TBC1D30: variants seen among roughly 807,000 people sequenced by gnomAD.
The protein encoded by TBC1D30 is TBC1 domain family member 30.
TBC1D30 carries 31 observed loss-of-function variants against 63.2 expected under a neutral mutation model. The ratio of observed to expected loss-of-function variants is 0.49; its 90% CI spans 0.37 to 0.66. The LOEUF (loss-of-function observed/expected upper bound fraction) is 0.66, where lower values mean the gene tolerates loss of function less well. TBC1D30 is among the 30% of genes least tolerant of loss of function. TBC1D30 has a pLI of 0.00. For missense variants in TBC1D30, 810 were observed against 953.6 expected (o/e 0.85, Z 1.98); for synonymous variants, 307 against 361.5 (o/e 0.85, Z 1.71).
At position 64,875,239 on chromosome 12, in the gene TBC1D30, C is replaced by G. The variant is rs886434749; in HGVS notation, c.1737C>G (p.Thr579=). The part of the protein sequence containing the change: ...IRVHKKNMPR[T]KSHPGCGDTV... ...TCCACAAAAAGAACATGCCAAGGAC[C>G]AAGAGTCATCCGGGCTGTGGGGACA... Residue 579 remains threonine (T), a synonymous_variant, in exon 12 of 12, where the codon ACC becomes ACG. Transcript: ENST00000539867. 3 of 1,536,178 alleles carry G rather than the reference C, an allele frequency of 2.0e-6. No homozygotes were observed. In the African/African-American group the frequency reaches 4.1e-5, roughly 21 times the overall value.
upstream of TBC1D30, among the ~76,000 whole-genome samples, chr12:64,821,817 C>T (rs530780749): frequency 8.5e-5 from 13 of 152,242 alleles, no homozygotes; most frequent in South Asian, 2.1e-4. Flanking sequence ...ATTTCTGTAC[C>T]GGAGCTCGCA....
chr12:64,818,060 CAAAAA>C (rs60136357), intron 2 of TBC1D30, among the ~76,000 whole-genome samples: 1 of 137,106 alleles, frequency 7.3e-6, no homozygotes, highest in Non-Finnish European at 1.6e-5. Context: ...GAGACTCTAC[CAAAAA>C]AAAAAAAAAA....
chr12:64,840,675 A>G (rs1875794907), intron 7 of TBC1D30, among the ~76,000 whole-genome samples: 1 of 152,214 alleles, frequency 6.6e-6, no homozygotes, highest in Non-Finnish European at 1.5e-5. Context: ...TTAATTGTCT[A>G]AAGTCACCTA....
Position 64,875,250 on chromosome 12 carries a change from C to T in TBC1D30, c.1748C>T (p.Pro583Leu), listed in dbSNP as rs78100345. Residue 583 changes from proline (P) to leucine (L), a missense_variant, in exon 12 of 12, where the codon CCG becomes CTG. Physicochemically the swap from Pro to Leu is moderately conservative, Grantham distance 98. This residue lies in a region of TBC1D30 where 450 missense variants were observed against 473.0 expected (regional missense o/e 0.95). Coordinates refer to ENST00000539867, the MANE Select transcript of TBC1D30 (RefSeq NM_015279.2). ...AACATGCCAAGGACCAAGAGTCATC[C>T]GGGCTGTGGGGACACCGTAGGGCTG... is the stretch of plus-strand genomic sequence containing the variant. ...KKNMPRTKSH[P>L]GCGDTVGLID... The T allele has an allele frequency of 0.012, 17,859 of 1,536,254 alleles. 174 individuals are homozygous for T. Among genetic ancestry groups the T allele is most frequent in the South Asian group, 0.034 (2,896 of 84,054 alleles).
At chr12:64,802,142 T>G (rs998296672) in intron 2 of TBC1D30, among the ~76,000 whole-genome samples, 4 of 152,238 alleles carry the variant, frequency 2.6e-5, no homozygotes, top group African/African-American at 9.6e-5. Flanking sequence ...CCTAGCCCAT[T>G]ACAGCTCTTT....
At chr12:64,803,424 A>G (rs1445485929) in intron 2 of TBC1D30, among the ~76,000 whole-genome samples, 1 of 152,212 alleles carries the variant, frequency 6.6e-6, no homozygotes, top group Non-Finnish European at 1.5e-5. Flanking sequence ...GTAGATTGCA[A>G]AAATTTTCTC....
intron 1 of TBC1D30, among the ~76,000 whole-genome samples, chr12:64,762,973 A>G (rs1385849345): frequency 6.6e-6 from 1 of 152,034 alleles, no homozygotes; most frequent in Non-Finnish European, 1.5e-5. Flanking sequence ...TCTGCATTTT[A>G]TTTTGTATTA....
intron 1 of TBC1D30, among the ~76,000 whole-genome samples, chr12:64,826,687 A>C (rs79158062): frequency 6.6e-6 from 1 of 152,102 alleles, no homozygotes; most frequent in Non-Finnish European, 1.5e-5. Flanking sequence ...GAAAAAAAAA[A>C]CTTATCTATC....
intron 2 of TBC1D30, among the ~76,000 whole-genome samples, chr12:64,803,904 GTA>G (rs1872720954): frequency 6.6e-6 from 1 of 152,106 alleles, no homozygotes; most frequent in Non-Finnish European, 1.5e-5. Context: ...TACTGTAGCT[GTA>G]TAGTATAGTT....
intron 2 of TBC1D30, among the ~76,000 whole-genome samples, chr12:64,805,136 G>A (rs1335889399): frequency 6.6e-6 from 1 of 152,170 alleles, no homozygotes; most frequent in Non-Finnish European, 1.5e-5. Context: ...GGGAGGCAGA[G>A]GTTGCAGTAA....
chr12:64,788,371 C>T (rs1871722266), intron 2 of TBC1D30, among the ~76,000 whole-genome samples: 1 of 152,090 alleles, frequency 6.6e-6, no homozygotes, highest in Non-Finnish European at 1.5e-5. Context: ...CTCCTTTCAA[C>T]TATGTTTATA....
chr12:64,866,766 G>A lies in TBC1D30; in HGVS notation c.1154G>A (p.Arg385Gln), dbSNP rs919994776. The change falls in exon 10 of 12, where the codon CGA becomes CAA. Residue 385 changes from arginine to glutamine, a missense_variant and splice_region_variant. Physicochemically the swap from Arg to Gln is conservative, Grantham distance 43. Transcript: ENST00000539867. ...TTTTGTCTTTTATGTTTTCCAAGAC[G>A]ACATAGTAAGGCCAGAGACAGTGAT... is the stretch of plus-strand genomic sequence containing the variant. ...ATVKPTSVSG[R>Q]HSKARDSDEE... The A allele has an allele frequency of 1.6e-5, 25 of 1,534,332 alleles. No individual in the cohort carries two copies. The Admixed American group carries it at 2.2e-4, about 13-fold the overall frequency.
Position 64,818,411 on chromosome 12 carries a change from G to A in TBC1D30, c.644-9424G>A, listed in dbSNP as rs895598523. The stretch of plus-strand genomic sequence containing the variant: ...CCTTTCACACAATCCTTGTGTCCTT[G>A]TCACTACTCACTCAGTAAACTGTAA... On this transcript the variant is annotated intron_variant, in intron 2 of 12. Coordinates refer to the TBC1D30 transcript ENST00000542120. 10 of 983,100 alleles carry A rather than the reference G, an allele frequency of 1.0e-5. No individual in the cohort carries two copies. In the African/African-American group the frequency reaches 1.8e-4, roughly 17 times the overall value. The allele number at this position is 983,100 out of a possible 1,614,324, so 60.9% of individuals were successfully genotyped here. A position where few individuals can be genotyped will look rare whatever the true frequency, so the allele number is the denominator to read the frequency against.
intron 1 of TBC1D30, among the ~76,000 whole-genome samples, chr12:64,774,802 T>C (rs547378621): frequency 3.3e-5 from 5 of 152,058 alleles, no homozygotes; most frequent in Admixed American, 2.6e-4. Flanking sequence ...GCACTAAATA[T>C]GGAAAGAAGG....
At chr12:64,870,086 G>T (rs917975263) in intron 10 of TBC1D30, among the ~76,000 whole-genome samples, 3 of 152,164 alleles carry the variant, frequency 2.0e-5, no homozygotes, top group Non-Finnish European at 4.4e-5. Flanking sequence ...TTTGTTAAAT[G>T]AACAAAGCAT....
chr12:64,782,132 A>G (rs1871328887), intron 1 of TBC1D30, among the ~76,000 whole-genome samples: 1 of 151,036 alleles, frequency 6.6e-6, no homozygotes, highest in South Asian at 2.1e-4. Context: ...CAGTTATTAG[A>G]GTTGTCTTTT....
At chr12:64,805,769 G>T (rs1043628906) in intron 2 of TBC1D30, among the ~76,000 whole-genome samples, 2 of 152,064 alleles carry the variant, frequency 1.3e-5, no homozygotes, top group Non-Finnish European at 2.9e-5. Context: ...GGAGGTAGAG[G>T]TTGCAGTGAG....
Position 64,825,039 on chromosome 12 carries a change from G to A in TBC1D30, c.154+6G>A, listed in dbSNP as rs1328175383. The A allele has an allele frequency of 2.0e-6, 3 of 1,531,726 alleles. No individual in the cohort carries two copies. Among genetic ancestry groups the A allele is most frequent in the Admixed American group, 2.0e-5 (1 of 50,776 alleles). 94.9% of individuals were successfully genotyped at this position (1,531,726 alleles called of 1,614,324 possible). On this transcript the variant is annotated splice_donor_region_variant and intron_variant, in intron 1 of 11. Transcript: ENST00000539867. ...GCTGTGCACCCTGGAGCCGGGTGAG[G>A]ACCCCAGGGCTGCAGATGGGGCGCT...
At chr12:64,781,011 G>A in exon 1 of TBC1D30, 1 of 1,037,628 alleles carries the variant, frequency 9.6e-7, no homozygotes, top group Non-Finnish European at 1.2e-6. Flanking sequence ...ACGGAGCCCG[G>A]CGAGGCGTGC....
Sources: gnomAD v4.1 joint callset for allele counts (sites outside exome capture counted in the v4.1 genomes callset) on GRCh38, gnomAD v4.1.1 for gene constraint, gnomAD v4.1.1 regional missense constraint, MANE v1.5 for transcripts, NCBI Gene and HGNC (gene_info 2026-07-23, HGNC 2026-07-21) for gene names.